The following RBM17 variants were observed in gnomAD, a reference collection of about 807,000 sequenced individuals.
RBM17 encodes splicing factor 45.
RBM17 carries 7 observed loss-of-function variants against 53.2 expected under a neutral mutation model. The observed-to-expected ratio is 0.13, with a 90% CI of 0.07 to 0.25. RBM17 has a LOEUF of 0.25. Among genes scored for constraint, RBM17 ranks in the 10% least tolerant of loss-of-function variants. RBM17 has a pLI of 1.00. For missense variants in RBM17, 257 were observed against 496.7 expected, an observed-to-expected ratio of 0.52 and a Z score of 4.59; for synonymous variants, 167 against 178.1, an observed-to-expected ratio of 0.94 and a Z score of 0.50.
chr10:6,093,968 A>ATTTTT (rs71390121), intron 1 of RBM17, among the ~76,000 whole-genome samples: 19 of 93,270 alleles, frequency 2.0e-4, no homozygotes, highest in African/African-American at 5.7e-4. Flanking sequence ...CAAGTGTGGA[A>ATTTTT]TTTTTTTTTT....
At chr10:6,113,423 A>G (rs1290181937) in intron 8 of RBM17, 85 bp from the exon 9 acceptor site, 1 of 886,626 alleles carries the variant, frequency 1.1e-6, no homozygotes, top group African/African-American at 1.7e-5. Flanking sequence ...TAAATTAATT[A>G]TTGTAAGTAG....
At position 6,114,156 on chromosome 10, in the gene RBM17, G is replaced by T. The variant is rs761898173; in HGVS notation, c.1029+9G>T. The T allele has an allele frequency of 2.0e-6, 3 of 1,488,458 alleles. No individual in the cohort carries two copies. 92.2% of individuals were successfully genotyped at this position (1,488,458 alleles called of 1,614,324 possible). On this transcript the variant is annotated intron_variant, in intron 10 of 11. Coordinates refer to ENST00000379888, the MANE Select transcript of RBM17 (RefSeq NM_032905.5). ...AATGTGTGATATTTGAAGTAAGAGT[G>T]TTTTCTTTTGATGTTTATAACACAA...
intron 1 of RBM17, among the ~76,000 whole-genome samples, chr10:6,093,968 ATTTT>A (rs71390121): frequency 2.1e-5 from 2 of 93,264 alleles, no homozygotes; most frequent in South Asian, 3.5e-4. Context: ...CAAGTGTGGA[ATTTT>A]TTTTTTTTTT....
At chr10:6,096,189 T>A (rs41295133) in intron 1 of RBM17, among the ~76,000 whole-genome samples, 38 of 152,252 alleles carry the variant, frequency 2.5e-4, no homozygotes, top group Non-Finnish European at 3.1e-4. Flanking sequence ...GATTTTTTTT[T>A]TAAAAAGTGG....
chr10:6,098,563 G>GTCTTTTTTTTTT (rs1554834988), intron 2 of RBM17, among the ~76,000 whole-genome samples: 2 of 46,642 alleles, frequency 4.3e-5, no homozygotes, highest in African/African-American at 8.0e-5. Context: ...CAGGTTTTTT[G>GTCTTTTTTTTTT]TTTTTTTTTT....
In RBM17 at chr10:6,089,366, GTC is replaced by G. The variant is rs1474654516; in HGVS notation, c.-19+178_-19+179del. 5 of 152,326 alleles carry G rather than the reference GTC, an allele frequency of 3.3e-5. No homozygotes were observed. The highest frequency in any genetic ancestry group is 5.9e-5 in the Non-Finnish European group (4 of 68,092). 9.4% of individuals were successfully genotyped at this position (152,326 alleles called of 1,614,324 possible). On this transcript the variant is annotated intron_variant, in intron 1 of 11. Transcript: ENST00000379888. This position sits in a 1 kb window ranked among gnomAD's most constrained non-coding sequence, Gnocchi z 5.6. ...GTCTCAGTCCCCGCGGCGGGCGCTG[GTC>G]TCTCCACGCGGCTGCGGCCCGGTAC...
At chr10:6,113,707 C>G (rs530766766) in intron 9 of RBM17, 126 bp downstream of exon 9, 3 of 695,112 alleles carry the variant, frequency 4.3e-6, no homozygotes, top group Admixed American at 2.5e-5. Context: ...TTGGGCAGAT[C>G]CCACGTAAGG....
intron 3 of RBM17, among the ~76,000 whole-genome samples, chr10:6,101,601 A>G (rs1298234562): frequency 1.3e-5 from 2 of 152,246 alleles, no homozygotes; most frequent in Admixed American, 6.5e-5. Flanking sequence ...GAAACTAGAG[A>G]TACGCAGAAA....
Position 6,112,116 on chromosome 10 carries a change from C to A in RBM17, c.705-94C>A. The A allele has an allele frequency of 1.5e-6, 2 of 1,322,234 alleles. No individual in the cohort carries two copies. Among genetic ancestry groups the A allele is most frequent in the Non-Finnish European group, 2.1e-6 (2 of 951,416 alleles). 81.9% of individuals were successfully genotyped at this position (1,322,234 alleles called of 1,614,324 possible). On this transcript the variant is annotated intron_variant, in intron 7 of 11. Coordinates refer to ENST00000379888, the MANE Select transcript of RBM17 (RefSeq NM_032905.5). This position sits in a 1 kb window ranked among gnomAD's most constrained non-coding sequence, Gnocchi z 4.4. ...TTGAAGCCCCTGTGGAGCATGCACTCTCTCCAGAAGGAGGTTGTTGTGATG... is the reference window on the plus strand; with the variant it reads ...TTGAAGCCCCTGTGGAGCATGCACTATCTCCAGAAGGAGGTTGTTGTGATG...
chr10:6,111,408 C>A (rs1322298685), intron 7 of RBM17, among the ~76,000 whole-genome samples: 1 of 152,206 alleles, frequency 6.6e-6, no homozygotes, highest in Non-Finnish European at 1.5e-5. Flanking sequence ...GGTGCGATCT[C>A]GCCTCACTGC....
intron 1 of RBM17, among the ~76,000 whole-genome samples, chr10:6,094,330 T>G (rs1357068303): frequency 6.6e-6 from 1 of 152,162 alleles, no homozygotes; most frequent in Non-Finnish European, 1.5e-5. Context: ...ACGTTTTAGG[T>G]TTTGAAGGAT....
Position 6,110,128 on chromosome 10 carries a change from G to A in RBM17, c.704+1G>A. 6.2e-7 allele frequency: 1 copy of A among 1,606,432 alleles called. No individual in the cohort carries two copies. Among genetic ancestry groups the A allele is most frequent in the Non-Finnish European group, 8.5e-7 (1 of 1,176,496 alleles). On this transcript the variant is annotated splice_donor_variant, in intron 7 of 11. Coordinates refer to ENST00000379888, the MANE Select transcript of RBM17 (RefSeq NM_032905.5). LOFTEE classifies it high-confidence loss of function. ...GCAACTCCTTCCTCGCTAACATGGG[G>A]TAATGATTTAATGTTCTTATCTAAG...
chr10:6,115,542 G>T lies in RBM17; in HGVS notation c.1192G>T (p.Ala398Ser), dbSNP rs1840900944. Residue 398 changes from alanine (A) to serine (S), a missense_variant, in exon 12 of 12, where the codon GCA becomes TCA. By Grantham distance (99) the Ala-to-Ser change is moderately conservative. Around this residue, in one of 6 missense-constraint regions of RBM17, gnomAD observed 8 missense variants for 19.2 expected, o/e 0.42. Coordinates refer to ENST00000379888, the MANE Select transcript of RBM17 (RefSeq NM_032905.5). ...GGACAAATTCAGGGTCTTGGATTTG[G>T]CAGAACAAGTTTGATTTTAAGAACT... ...NLDKFRVLDLAEQV is the reference protein window; with the variant it reads ...NLDKFRVLDLSEQV The T allele has an allele frequency of 6.2e-7, 1 of 1,608,876 alleles. No homozygotes were observed. The highest frequency in any genetic ancestry group is 8.5e-7 in the Non-Finnish European group (1 of 1,175,656).
rs1235902656 is a variant in RBM17, at chr10:6,098,556, GTTTTTTGTTTT to G, written c.123+1375_123+1385del. Among the ~76,000 whole-genome samples, 264 of 87,958 alleles carry G rather than the reference GTTTTTTGTTTT, an allele frequency of 3.0e-3. 19 individuals carry two copies. Among genetic ancestry groups the G allele is most frequent in the African/African-American group, 7.3e-3 (182 of 24,776 alleles). The allele number at this position is 87,958 out of a possible 152,430, so 57.7% of individuals were successfully genotyped here. On this transcript the variant is annotated intron_variant, in intron 2 of 11. Coordinates refer to ENST00000379888, the MANE Select transcript of RBM17 (RefSeq NM_032905.5). ...GTTTGAAAATTTCCGTAATACACAG[GTTTTTTGTTTT>G]TTTTTTTTTTTTTTTTTTTTTTTTT...
Position 6,107,335 on chromosome 10 carries a change from G to A in RBM17, c.505+1097G>A, listed in dbSNP as rs565858159. Among the ~76,000 whole-genome samples, 35 of 151,824 alleles carry A rather than the reference G, an allele frequency of 2.3e-4. No homozygotes were observed. The East Asian group carries it at 6.0e-3, about 26-fold the overall frequency. Reference sequence around the variant, plus strand: ...TGGGATTACAGGTGTGCGCTACCACGCCCATCTAATTTTTACATTTTTAGT... The same window carrying A: ...TGGGATTACAGGTGTGCGCTACCACACCCATCTAATTTTTACATTTTTAGT... On this transcript the variant is annotated intron_variant, in intron 5 of 11. Coordinates refer to ENST00000379888, the MANE Select transcript of RBM17 (RefSeq NM_032905.5).
At chr10:6,109,332 C>T (rs1043794759) in intron 6 of RBM17, among the ~76,000 whole-genome samples, 8 of 152,166 alleles carry the variant, frequency 5.3e-5, no homozygotes, top group African/African-American at 1.7e-4. Flanking sequence ...CAGATATTCT[C>T]ATTTATAGTA....
At chr10:6,114,367 T>A (rs535109776) in intron 10 of RBM17, 106 of 411,230 alleles carry the variant, frequency 2.6e-4, no homozygotes, top group African/African-American at 2.1e-3. Context: ...TGCTTCATGA[T>A]TGAGGATCAG....
rs1554834988 is a variant in RBM17 at position 6,098,563 on chromosome 10, G to GTGTTTTTTTTTTTTTT, written c.123+1376_123+1377insGTTTTTTTTTTTTTTT. ...AATTTCCGTAATACACAGGTTTTTT[G>GTGTTTTTTTTTTTTTT]TTTTTTTTTTTTTTTTTTTTTTTTT... is the stretch of plus-strand genomic sequence containing the variant. On this transcript the variant is annotated intron_variant, in intron 2 of 11. Coordinates refer to ENST00000379888, the MANE Select transcript of RBM17 (RefSeq NM_032905.5). Among the ~76,000 whole-genome samples, 3 of 46,642 alleles carry GTGTTTTTTTTTTTTTT rather than the reference G, an allele frequency of 6.4e-5. No individual in the cohort carries two copies. In the East Asian group the frequency reaches 1.3e-3, roughly 20 times the overall value. 30.6% of individuals were successfully genotyped at this position (46,642 alleles called of 152,430 possible). A position where few individuals can be genotyped will look rare whatever the true frequency, so the allele number is the denominator to read the frequency against.
At position 6,116,179 on chromosome 10, in the gene RBM17, T is replaced by C. The variant is rs1387532554; in HGVS notation, c.*623T>C. 6.6e-6 allele frequency: 1 copy of C among 152,368 alleles called. No homozygotes were observed. The highest frequency in any genetic ancestry group is 1.5e-5 in the Non-Finnish European group (1 of 68,064). The allele number at this position is 152,368 out of a possible 1,614,324, so 9.4% of individuals were successfully genotyped here. On this transcript the variant is annotated 3_prime_UTR_variant, in exon 12 of 12. Transcript: ENST00000379888. Reference sequence around the variant, plus strand: ...CGTAGGCTAAATCAGACTGTAGGGTTTGTGATGGATTTATGGAGTATGTGG... The same window carrying C: ...CGTAGGCTAAATCAGACTGTAGGGTCTGTGATGGATTTATGGAGTATGTGG...
Sources: allele counts gnomAD v4.1 joint callset (sites outside exome capture counted in the v4.1 genomes callset), GRCh38; gene constraint gnomAD v4.1.1; regional missense constraint gnomAD v4.1.1; non-coding constraint Gnocchi (gnomAD v3.1); transcripts MANE v1.5; gene names NCBI Gene and HGNC (gene_info 2026-07-23, HGNC 2026-07-21).